CACNA2D4: variants seen among roughly 807,000 people sequenced by gnomAD.
CACNA2D4 encodes the protein calcium voltage-gated channel auxiliary subunit alpha2delta 4.
A neutral mutation model predicts 163.8 loss-of-function variants in CACNA2D4; 157 were observed. That is an observed-to-expected ratio of 0.96 (90% confidence interval 0.84 to 1.09). The LOEUF is 1.09. Ranked by LOEUF, CACNA2D4 falls within the 50% of genes least tolerant of loss-of-function variation. The pLI is 0.00. For missense variants in CACNA2D4, 1,410 were observed against 1,479.9 expected, an observed-to-expected ratio of 0.95 and a Z score of 0.78; for synonymous variants, 598 against 586.9, an observed-to-expected ratio of 1.02 and a Z score of -0.27.
At chr12:1,918,097 C>T in intron 1 of CACNA2D4, 150 bp downstream of exon 1, 1 of 659,950 alleles carries the variant, frequency 1.5e-6, no homozygotes, top group South Asian at 1.8e-5. Context: ...AAGGGCTTTA[C>T]AGCAAGAGAG....
At chr12:1,840,675 C>T (rs1286985292) in intron 26 of CACNA2D4, 64 bp downstream of exon 26, 1 of 1,382,748 alleles carries the variant, frequency 7.2e-7, no homozygotes, top group East Asian at 2.3e-5. Context: ...CTGCTGTGAT[C>T]TATGCCTTGC....
At chr12:1,915,839 C>G (rs1180828033) in intron 1 of CACNA2D4, among the ~76,000 whole-genome samples, 1 of 152,232 alleles carries the variant, frequency 6.6e-6, no homozygotes, top group Non-Finnish European at 1.5e-5. Context: ...GCGATCCTTT[C>G]AAGATCAGCA....
intron 13 of CACNA2D4, among the ~76,000 whole-genome samples, chr12:1,882,627 C>T (rs1352304049): frequency 6.6e-6 from 1 of 152,160 alleles, no homozygotes; most frequent in Non-Finnish European, 1.5e-5. Context: ...TGGAGAGCAC[C>T]TCAGGCAGGT....
chr12:1,808,600 G>C (rs1387315437), intron 29 of CACNA2D4, among the ~76,000 whole-genome samples: 2 of 152,168 alleles, frequency 1.3e-5, no homozygotes. Flanking sequence ...CTCAGGCTTG[G>C]CCATCCTCTC....
At position 1,885,144 on chromosome 12, in the gene CACNA2D4, G is replaced by C. The variant is rs1057126696; in HGVS notation, c.1069-68C>G. 30 of 1,350,116 alleles carry C rather than the reference G, an allele frequency of 2.2e-5. No individual in the cohort carries two copies. In the South Asian group the frequency reaches 3.3e-4, roughly 15 times the overall value. The allele number at this position is 1,350,116 out of a possible 1,614,324, so 83.6% of individuals were successfully genotyped here. On this transcript the variant is annotated intron_variant, in intron 9 of 37. Coordinates refer to ENST00000382722, the MANE Select transcript of CACNA2D4 (RefSeq NM_172364.5). ...GGGCCAGTGGAGCTTCATGTTTGGT[G>C]TTAATTTGGGAGGCTGTTTAGGGCC...
At chr12:1,889,972 A>T (rs2370058) in intron 6 of CACNA2D4, among the ~76,000 whole-genome samples, 2 of 151,974 alleles carry the variant, frequency 1.3e-5, no homozygotes, top group Admixed American at 6.5e-5. Context: ...TCAACAGAGA[A>T]GTGACAGGAA....
At chr12:1,823,036 T>C (rs1354122919) in intron 26 of CACNA2D4, among the ~76,000 whole-genome samples, 1 of 152,192 alleles carries the variant, frequency 6.6e-6, no homozygotes, top group Non-Finnish European at 1.5e-5. Flanking sequence ...CAGAGTAGGC[T>C]GCAAATGCCC....
In CACNA2D4 at chr12:1,793,686, G is replaced by A. The variant is rs1863035730; in HGVS notation, c.3383C>T (p.Ala1128Val). 1 of 1,613,866 alleles carries A rather than the reference G, an allele frequency of 6.2e-7. No individual in the cohort carries two copies. The highest frequency in any genetic ancestry group is 2.2e-5 in the East Asian group (1 of 44,888). ...CAGGAGTTGGGGCAGTAGCCCCCAG[G>A]CACACACAGGCAGCAGGAGTAGGGG... ...SPPLLLLPVCAWGLLPQLLR is the reference protein window; with the variant it reads ...SPPLLLLPVCVWGLLPQLLR The change falls in exon 38 of 38, where the codon GCC becomes GTC. Residue 1128 changes from alanine (A) to valine (V), a missense_variant. Physicochemically the swap from Ala to Val is moderately conservative, Grantham distance 64 (BLOSUM62 0). Coordinates refer to ENST00000382722, the MANE Select transcript of CACNA2D4 (RefSeq NM_172364.5).
chr12:1,844,304 C>A lies in CACNA2D4; in HGVS notation c.2470+98G>T, dbSNP rs1393416578. On this transcript the variant is annotated intron_variant, in intron 25 of 37. Transcript: ENST00000382722. The surrounding 1 kb of genome is among the most constrained non-coding windows in gnomAD (Gnocchi z 4.2). ...CCCTGGTGGTCTGGACATTCTATTCCATATCTCGTTCCCATTTCCCACTAA... is the reference window on the plus strand; with the variant it reads ...CCCTGGTGGTCTGGACATTCTATTCAATATCTCGTTCCCATTTCCCACTAA... 3 of 1,406,366 alleles carry A rather than the reference C, an allele frequency of 2.1e-6. No individual in the cohort carries two copies. The highest frequency in any genetic ancestry group is 2.9e-6 in the Non-Finnish European group (3 of 1,027,782). 87.1% of individuals were successfully genotyped at this position (1,406,366 alleles called of 1,614,324 possible). A position where few individuals can be genotyped will look rare whatever the true frequency, so the allele number is the denominator to read the frequency against.
intron 20 of CACNA2D4, among the ~76,000 whole-genome samples, chr12:1,857,155 G>A (rs923379161): frequency 2.6e-5 from 4 of 152,210 alleles, no homozygotes; most frequent in Non-Finnish European, 4.4e-5. Context: ...GGGAACAGAG[G>A]AGAGTGCCCC....
At chr12:1,809,614 A>G (rs951625077) in intron 29 of CACNA2D4, 5 of 696,220 alleles carry the variant, frequency 7.2e-6, no homozygotes, top group Admixed American at 4.2e-5. Context: ...CCCAGCAAGT[A>G]TAAAAATATT....
At chr12:1,850,198 C>T (rs373584875) in intron 23 of CACNA2D4, among the ~76,000 whole-genome samples, 12 of 152,218 alleles carry the variant, frequency 7.9e-5, no homozygotes, top group Non-Finnish European at 1.6e-4. Flanking sequence ...CCACAATCTA[C>T]GAGTGCCTGA....
intron 1 of CACNA2D4, 68 bp from the exon 2 acceptor site, chr12:1,915,003 G>C (rs887071992): frequency 8.7e-7 from 1 of 1,154,782 alleles, no homozygotes. Context: ...CACACGCGTA[G>C]ACATATGGGT....
intron 6 of CACNA2D4, among the ~76,000 whole-genome samples, chr12:1,891,963 T>C (rs1866293715): frequency 6.6e-6 from 1 of 152,150 alleles, no homozygotes; most frequent in South Asian, 2.1e-4. Flanking sequence ...ATTTTTGGTG[T>C]CCCATAAGGC....
In CACNA2D4 at chr12:1,807,673, C is replaced by A. The variant is rs546377960; in HGVS notation, c.2721+2605G>T. On this transcript the variant is annotated intron_variant, in intron 29 of 37. Coordinates refer to ENST00000382722, the MANE Select transcript of CACNA2D4 (RefSeq NM_172364.5). Reference sequence around the variant, plus strand: ...CCAGTTCAGTTCTCCACACGGTTACCCAGTGTCTGCTGTGTGCCAGGCACC... The same window carrying A: ...CCAGTTCAGTTCTCCACACGGTTACACAGTGTCTGCTGTGTGCCAGGCACC... 2.8e-3 allele frequency among the ~76,000 whole-genome samples: 425 copies of A among 152,122 alleles called. 2 individuals are homozygous for A. Among genetic ancestry groups the A allele is most frequent in the African/African-American group, 9.7e-3 (404 of 41,502 alleles).
intron 19 of CACNA2D4, 143 bp from the exon 20 acceptor site, chr12:1,858,787 T>G: frequency 3.9e-6 from 2 of 511,380 alleles, no homozygotes; most frequent in Non-Finnish European, 3.3e-6. Context: ...GCCCCCTTCT[T>G]TACCTCTGGC....
intron 24 of CACNA2D4, among the ~76,000 whole-genome samples, chr12:1,845,879 G>A (rs1253206018): frequency 6.6e-6 from 1 of 152,202 alleles, no homozygotes; most frequent in Admixed American, 6.5e-5. Flanking sequence ...CCCACTAGGT[G>A]CCAGTAGGAA....
Position 1,833,369 on chromosome 12 carries a change from G to C in CACNA2D4, c.2551+7370C>G, listed in dbSNP as rs907869997. Among the ~76,000 whole-genome samples, 9 of 152,138 alleles carry C rather than the reference G, an allele frequency of 5.9e-5. No homozygotes were observed. The highest frequency in any genetic ancestry group is 2.2e-4 in the African/African-American group (9 of 41,410). ...CAGAATCCAACTTTCACTTCCTAGG[G>C]GAGGTCTAGACAGATTATTGTCCTC... On this transcript the variant is annotated intron_variant, in intron 26 of 37. Coordinates refer to ENST00000382722, the MANE Select transcript of CACNA2D4 (RefSeq NM_172364.5). The surrounding 1 kb of genome is among the most constrained non-coding windows in gnomAD (Gnocchi z 4.2).
chr12:1,817,829 C>G (rs566610523), intron 26 of CACNA2D4, among the ~76,000 whole-genome samples: 2 of 151,800 alleles, frequency 1.3e-5, no homozygotes, highest in South Asian at 2.1e-4. Flanking sequence ...GATCTCGGCT[C>G]GCTACAACCT....
Sources: allele counts gnomAD v4.1 joint callset (sites outside exome capture counted in the v4.1 genomes callset), GRCh38; gene constraint gnomAD v4.1.1; non-coding constraint Gnocchi (gnomAD v3.1); transcripts MANE v1.5; gene names NCBI Gene and HGNC (gene_info 2026-07-23, HGNC 2026-07-21).